Variants in NRXN1 observed in about 807,000 individuals in gnomAD.
The protein encoded by NRXN1 is neurexin 1.
Under a neutral mutation model 150.9 loss-of-function variants are expected in NRXN1, and 39 were observed. That is an observed-to-expected ratio of 0.26 (90% CI 0.20 to 0.34). The LOEUF is 0.34. Ranked by LOEUF, NRXN1 falls within the 10% of genes least tolerant of loss-of-function variation. The pLI is 1.00. For missense variants in NRXN1, 1,815 were observed against 1,949.9 expected (o/e 0.93, Z 1.30); for synonymous variants, 924 against 757.0 (o/e 1.22, Z -3.62).
At chr2:50,478,712 A>T (rs1227249573) in intron 15 of NRXN1, among the ~76,000 whole-genome samples, 2 of 152,194 alleles carry the variant, frequency 1.3e-5, no homozygotes, top group Admixed American at 1.3e-4. Context: ...TCAAACCTTC[A>T]TCATCTCCCT....
chr2:50,837,035 T>C (rs905752027), intron 5 of NRXN1, among the ~76,000 whole-genome samples: 6 of 152,036 alleles, frequency 3.9e-5, no homozygotes, highest in African/African-American at 1.4e-4. Flanking sequence ...TGAAGATACT[T>C]TGCATATTTT....
intron 5 of NRXN1, among the ~76,000 whole-genome samples, chr2:50,749,943 G>A (rs936653071): frequency 1.3e-5 from 2 of 151,948 alleles, no homozygotes; most frequent in East Asian, 1.9e-4. Flanking sequence ...GCTTATTACA[G>A]GGTATGCTTA....
chr2:50,256,810 T>G (rs62133116), intron 17 of NRXN1, among the ~76,000 whole-genome samples: 1 of 152,026 alleles, frequency 6.6e-6, no homozygotes, highest in Admixed American at 6.6e-5. Context: ...CTGAAATGTG[T>G]CTGCATTCTC....
chr2:50,866,807 G>T (rs1248063427), intron 5 of NRXN1, among the ~76,000 whole-genome samples: 1 of 151,838 alleles, frequency 6.6e-6, no homozygotes, highest in African/African-American at 2.4e-5. Flanking sequence ...CCAGCTACAA[G>T]CACACTTTCC....
chr2:50,563,502 G>A (rs1669416387), intron 8 of NRXN1, among the ~76,000 whole-genome samples: 1 of 152,162 alleles, frequency 6.6e-6, no homozygotes, highest in Non-Finnish European at 1.5e-5. Flanking sequence ...TAGGTGGCCA[G>A]TATATAGGAG....
chr2:50,356,051 C>A (rs2078787812), intron 17 of NRXN1, among the ~76,000 whole-genome samples: 1 of 151,226 alleles, frequency 6.6e-6, no homozygotes, highest in African/African-American at 2.4e-5. Flanking sequence ...AGATGTCTTT[C>A]TTTTCCATAC....
chr2:50,432,056 AG>A (rs374789451), intron 17 of NRXN1, among the ~76,000 whole-genome samples: 251 of 152,318 alleles, frequency 1.6e-3, no homozygotes, highest in Non-Finnish European at 2.9e-3. Flanking sequence ...ACTTGCCAAA[AG>A]TATTGCTCGA....
chr2:50,499,947 C>CAA (rs34753485), intron 13 of NRXN1, among the ~76,000 whole-genome samples: 2,858 of 87,620 alleles, frequency 0.033, 150 homozygotes, highest in African/African-American at 0.098. Flanking sequence ...GACTCCATCT[C>CAA]AAAAAAAAAA....
chr2:50,250,484 T>C (rs2152897418), intron 17 of NRXN1, among the ~76,000 whole-genome samples: 1 of 152,232 alleles, frequency 6.6e-6, no homozygotes, highest in African/African-American at 2.4e-5. Flanking sequence ...CCACTATGTC[T>C]TATCTCTTTG....
At chr2:50,356,747 G>A (rs2078846385) in intron 17 of NRXN1, among the ~76,000 whole-genome samples, 1 of 152,124 alleles carries the variant, frequency 6.6e-6, no homozygotes, top group Non-Finnish European at 1.5e-5. Context: ...TCCTAATGAA[G>A]CTTTCATTAG....
At chr2:50,411,754 G>A (rs572475116) in intron 17 of NRXN1, among the ~76,000 whole-genome samples, 5 of 150,970 alleles carry the variant, frequency 3.3e-5, no homozygotes, top group East Asian at 2.0e-4. Context: ...GCCTCTGCCC[G>A]GCCGCCCCAT....
chr2:50,063,543 AACAG>A (rs1558798019), intron 19 of NRXN1, among the ~76,000 whole-genome samples: 1 of 63,208 alleles, frequency 1.6e-5, no homozygotes, highest in African/African-American at 9.5e-5. Flanking sequence ...TGCCCACCTC[AACAG>A]ACACACACAC....
At chr2:50,902,284 A>C (rs1683066958) in intron 5 of NRXN1, among the ~76,000 whole-genome samples, 1 of 152,156 alleles carries the variant, frequency 6.6e-6, no homozygotes, top group African/African-American at 2.4e-5. Flanking sequence ...AGAATCACTG[A>C]AGTAAAAACA....
At chr2:50,999,284 T>C (rs1214888284) in intron 2 of NRXN1, among the ~76,000 whole-genome samples, 1 of 152,074 alleles carries the variant, frequency 6.6e-6, no homozygotes, top group Non-Finnish European at 1.5e-5. Context: ...CAATAAATAT[T>C]TCCTAAGTTC....
At position 51,027,764 on chromosome 2, in the gene NRXN1, G is replaced by C; in HGVS notation, c.510C>G (p.Thr170=). The change falls in exon 2 of 23, where the codon ACC becomes ACG. Residue 170 remains threonine (T), a synonymous_variant. Coordinates refer to ENST00000401669, the MANE Select transcript of NRXN1 (RefSeq NM_001330078.2). The part of the protein sequence containing the change: ...PELRAAALKL[T]LASVREREPF... The stretch of plus-strand genomic sequence containing the variant: ...GCTCCCGCTCCCTCACCGAGGCCAG[G>C]GTGAGCTTGAGCGCCGCGGCGCGCA... 3 of 1,612,460 alleles carry C rather than the reference G, an allele frequency of 1.9e-6. No individual in the cohort carries two copies. Among genetic ancestry groups the C allele is most frequent in the Non-Finnish European group, 2.5e-6 (3 of 1,179,312 alleles).
rs1676064677 is a variant in NRXN1, at chr2:49,962,096, T to C, written c.4129-18305A>G. On this transcript the variant is annotated intron_variant, in intron 21 of 22. Transcript: ENST00000401669. ...AGAAAAAAGAAAAATATCTGGTGTGTTTGTGGTATATGAAGGGGAGGGAAT... is the reference window on the plus strand; with the variant it reads ...AGAAAAAAGAAAAATATCTGGTGTGCTTGTGGTATATGAAGGGGAGGGAAT... Among the ~76,000 whole-genome samples, 4 of 152,030 alleles carry C rather than the reference T, an allele frequency of 2.6e-5. No homozygotes were observed. In the South Asian group the frequency reaches 8.3e-4, roughly 32 times the overall value.
At chr2:50,715,465 T>C (rs1041687413) in intron 5 of NRXN1, among the ~76,000 whole-genome samples, 8 of 152,216 alleles carry the variant, frequency 5.3e-5, no homozygotes, top group African/African-American at 1.9e-4. Flanking sequence ...AAGTGATTTG[T>C]AAACTGTAAA....
intron 5 of NRXN1, among the ~76,000 whole-genome samples, chr2:50,835,483 T>C (rs553602653): frequency 6.6e-6 from 1 of 152,160 alleles, no homozygotes; most frequent in Non-Finnish European, 1.5e-5. Context: ...TTAATTTTAT[T>C]TGAAAGGCAA....
At chr2:50,069,352 C>G (rs938182785) in intron 19 of NRXN1, among the ~76,000 whole-genome samples, 2 of 152,104 alleles carry the variant, frequency 1.3e-5, no homozygotes, top group Non-Finnish European at 2.9e-5. Context: ...AGCTGACCCT[C>G]AATGCTAATG....
Sources: gnomAD v4.1 joint callset for allele counts (sites outside exome capture counted in the v4.1 genomes callset) on GRCh38, gnomAD v4.1.1 for gene constraint, MANE v1.5 for transcripts, NCBI Gene and HGNC (gene_info 2026-07-23, HGNC 2026-07-21) for gene names.